The following MYCT1 variants were observed in gnomAD, a reference collection of about 807,000 sequenced individuals.
MYCT1 encodes MYC target 1, also known as myc target protein 1.
MYCT1 carries 12 observed loss-of-function variants against 15.0 expected under a neutral mutation model. That is an observed-to-expected ratio of 0.80 (90% CI 0.51 to 1.29). The LOEUF (loss-of-function observed/expected upper bound fraction) is 1.29. Ranked by LOEUF, MYCT1 falls within the 50% of genes most tolerant of loss-of-function variation. The pLI, the probability that MYCT1 is intolerant of heterozygous loss-of-function variation, is 0.00. For synonymous variants in MYCT1, 104 were observed against 102.7 expected (o/e 1.01, Z -0.07); for missense variants, 287 against 279.1 (o/e 1.03, Z -0.20).
chr6:152,743,546 C>A, the MYCT1 span, among the ~76,000 whole-genome samples: 2 of 152,218 alleles, frequency 1.3e-5, no homozygotes, highest in Non-Finnish European at 2.9e-5. Context: ...TTAACATCAT[C>A]ACTACACATT....
downstream of MYCT1, among the ~76,000 whole-genome samples, chr6:152,725,204 G>A (rs2099725439): frequency 6.6e-6 from 1 of 151,788 alleles, no homozygotes; most frequent in South Asian, 2.1e-4. Flanking sequence ...GAAGAAAGAA[G>A]TTAAGTTAAT....
chr6:152,740,817 G>C, the MYCT1 span, among the ~76,000 whole-genome samples: 1 of 152,002 alleles, frequency 6.6e-6, no homozygotes, highest in Non-Finnish European at 1.5e-5. Flanking sequence ...TTGATTTATA[G>C]ATATATTTTT....
chr6:152,701,618 G>C lies in MYCT1; in HGVS notation c.196+3520G>C, dbSNP rs532652547. On this transcript the variant is annotated intron_variant, in intron 1 of 1. Coordinates refer to ENST00000367245, the MANE Select transcript of MYCT1 (RefSeq NM_025107.3). ...GGTTATATATTCTGTGTATTGGAGA[G>C]GGGGGACCTTTGTGCTTGATCAAGT... Among the ~76,000 whole-genome samples, 19 of 151,050 alleles carry C rather than the reference G, an allele frequency of 1.3e-4. No homozygotes were observed. In the South Asian group the frequency reaches 4.0e-3, roughly 31 times the overall value.
chr6:152,738,236 A>G, the MYCT1 span, among the ~76,000 whole-genome samples: 1 of 152,162 alleles, frequency 6.6e-6, no homozygotes, highest in Admixed American at 6.5e-5. Context: ...ACATGTATAT[A>G]GACATGCTTT....
At chr6:152,700,878 T>G (rs1458691986) in intron 1 of MYCT1, among the ~76,000 whole-genome samples, 1 of 152,188 alleles carries the variant, frequency 6.6e-6, no homozygotes, top group Non-Finnish European at 1.5e-5. Context: ...TTGCAGGAGT[T>G]TGCATTTATT....
chr6:152,731,554 T>G, the MYCT1 span, among the ~76,000 whole-genome samples: 1 of 152,086 alleles, frequency 6.6e-6, no homozygotes, highest in Non-Finnish European at 1.5e-5. Context: ...TGGTGTGTGG[T>G]GTTCCTCACC....
downstream of MYCT1, among the ~76,000 whole-genome samples, chr6:152,728,937 A>G (rs2129071726): frequency 6.6e-6 from 1 of 152,276 alleles, no homozygotes; most frequent in South Asian, 2.1e-4. Context: ...ATTAAAAAGA[A>G]TTCACAAAGA....
chr6:152,722,226 C>T lies in MYCT1; in HGVS notation c.681C>T (p.Ser227=), dbSNP rs1404960715. 1 of 1,613,466 alleles carries T rather than the reference C, an allele frequency of 6.2e-7. No individual in the cohort carries two copies. Residue 227 remains serine (S), a synonymous_variant, in exon 2 of 2, where the codon TCC becomes TCT. Coordinates refer to ENST00000367245, the MANE Select transcript of MYCT1 (RefSeq NM_025107.3). ...CACCGCCCCCACCTGCCTATGAGTCCATCATCAAGGCATTCCCAGATTCCT... is the reference window on the plus strand; with the variant it reads ...CACCGCCCCCACCTGCCTATGAGTCTATCATCAAGGCATTCCCAGATTCCT... The part of the protein sequence containing the change: ...LSTPPPPAYE[S]IIKAFPDS
chr6:152,701,641 A>G (rs1426608894), intron 1 of MYCT1, among the ~76,000 whole-genome samples: 2 of 152,062 alleles, frequency 1.3e-5, no homozygotes, highest in Admixed American at 1.3e-4. Flanking sequence ...TGCTTGATCA[A>G]GTTCTGGCCT....
At chr6:152,721,013 C>T (rs976421630) in intron 1 of MYCT1, among the ~76,000 whole-genome samples, 3 of 152,130 alleles carry the variant, frequency 2.0e-5, no homozygotes, top group African/African-American at 7.2e-5. Context: ...AATACTGGTA[C>T]GTAGCCGAGG....
At chr6:152,698,857 C>T (rs1275537222) in intron 1 of MYCT1, among the ~76,000 whole-genome samples, 1 of 152,058 alleles carries the variant, frequency 6.6e-6, no homozygotes, top group African/African-American at 2.4e-5. Context: ...GTCCAGTGTT[C>T]CCTGATGTTG....
intron 1 of MYCT1, among the ~76,000 whole-genome samples, chr6:152,707,149 C>T (rs2099722431): frequency 6.6e-6 from 1 of 152,120 alleles, no homozygotes; most frequent in African/African-American, 2.4e-5. Flanking sequence ...CTTTTCTCCA[C>T]ATCCTCACCA....
intron 1 of MYCT1, among the ~76,000 whole-genome samples, chr6:152,715,676 G>T (rs2099723516): frequency 6.6e-6 from 1 of 152,126 alleles, no homozygotes; most frequent in Admixed American, 6.6e-5. Flanking sequence ...ATTTTAGGTG[G>T]AGCAGCCAGG....
At chr6:152,737,898 A>G in the MYCT1 span, among the ~76,000 whole-genome samples, 2 of 152,082 alleles carry the variant, frequency 1.3e-5, no homozygotes, top group Non-Finnish European at 2.9e-5. Context: ...TATTTAAGTG[A>G]TTTATTTTCT....
the MYCT1 span, among the ~76,000 whole-genome samples, chr6:152,730,828 T>C: frequency 6.6e-6 from 1 of 152,196 alleles, no homozygotes; most frequent in East Asian, 1.9e-4. Context: ...GGATTCAATA[T>C]ATACTGCTTT....
chr6:152,731,528 A>C, the MYCT1 span, among the ~76,000 whole-genome samples: 1 of 152,056 alleles, frequency 6.6e-6, no homozygotes. Context: ...CCCTCCCGCT[A>C]TCCCACGACA....
the MYCT1 span, among the ~76,000 whole-genome samples, chr6:152,731,748 ATTTTT>A: frequency 1.4e-5 from 2 of 140,426 alleles, no homozygotes. Flanking sequence ...AGAGAACGCC[ATTTTT>A]TTTTTTTTTT....
At chr6:152,742,548 G>A in the MYCT1 span, among the ~76,000 whole-genome samples, 10 of 152,140 alleles carry the variant, frequency 6.6e-5, no homozygotes, top group Admixed American at 5.9e-4. Flanking sequence ...GGAATGATAT[G>A]ATCAAAGACA....
At chr6:152,703,409 T>C (rs552727865) in intron 1 of MYCT1, among the ~76,000 whole-genome samples, 2 of 152,328 alleles carry the variant, frequency 1.3e-5, no homozygotes, top group African/African-American at 4.8e-5. Context: ...CAAACATACA[T>C]AAATATTTGA....
Sources: allele counts gnomAD v4.1 joint callset (sites outside exome capture counted in the v4.1 genomes callset), GRCh38; gene constraint gnomAD v4.1.1; transcripts MANE v1.5; gene names NCBI Gene and HGNC (gene_info 2026-07-23, HGNC 2026-07-21).